The following GSG1L variants were observed in gnomAD, a reference collection of about 807,000 sequenced individuals.
GSG1L encodes the protein GSG1 like, also known as germ cell-specific gene 1-like protein.
In GSG1L, 24 loss-of-function variants were observed where a neutral mutation model predicts 42.1. The ratio of observed to expected loss-of-function variants is 0.57; its 90% CI spans 0.41 to 0.80. GSG1L has a LOEUF of 0.80. Ranked by LOEUF, GSG1L falls within the 30% of genes least tolerant of loss-of-function variation. The pLI is 0.00. For synonymous variants in GSG1L, 215 were observed against 203.5 expected (o/e 1.06, Z -0.48); for missense variants, 445 against 472.2 (o/e 0.94, Z 0.53).
At chr16:27,840,958 A>C (rs1250032293) in intron 4 of GSG1L, among the ~76,000 whole-genome samples, 1 of 152,228 alleles carries the variant, frequency 6.6e-6, no homozygotes, top group Non-Finnish European at 1.5e-5. Context: ...GCTTCGAGGA[A>C]GAACCCAGCA....
intron 2 of GSG1L, among the ~76,000 whole-genome samples, chr16:27,921,804 T>C (rs1464178415): frequency 1.3e-5 from 2 of 152,222 alleles, no homozygotes; most frequent in Non-Finnish European, 2.9e-5. Context: ...CCTTCTCAAG[T>C]TGAGGACCCT....
At chr16:27,819,837 TTC>T (rs1256342159) in intron 5 of GSG1L, among the ~76,000 whole-genome samples, 1 of 152,154 alleles carries the variant, frequency 6.6e-6, no homozygotes, top group African/African-American at 2.4e-5. Flanking sequence ...GCATTGCAGC[TTC>T]TGGGGTGAGA....
chr16:27,793,146 G>T (rs533528052), intron 6 of GSG1L, among the ~76,000 whole-genome samples: 15 of 152,302 alleles, frequency 9.8e-5, no homozygotes, highest in African/African-American at 2.6e-4. Context: ...CTCTAAGGAT[G>T]GAGATCTCCT....
chr16:27,967,153 C>T (rs1045183367), intron 1 of GSG1L, among the ~76,000 whole-genome samples: 3 of 152,184 alleles, frequency 2.0e-5, no homozygotes, highest in Non-Finnish European at 2.9e-5. Context: ...GATCTAGAAG[C>T]TTTCGGCATT....
chr16:27,854,385 T>G, intron 3 of GSG1L, among the ~76,000 whole-genome samples: 1 of 145,584 alleles, frequency 6.9e-6, no homozygotes, highest in African/African-American at 2.5e-5. Flanking sequence ...GAGAGGGGGA[T>G]GGTTGGCCCC....
At chr16:27,865,397 G>A (rs1314836047) in intron 3 of GSG1L, among the ~76,000 whole-genome samples, 1 of 151,504 alleles carries the variant, frequency 6.6e-6, no homozygotes, top group Non-Finnish European at 1.5e-5. Flanking sequence ...CCGGCTGGGA[G>A]CCCTACAGGT....
At chr16:28,047,707 T>C (rs776681230) in intron 1 of GSG1L, among the ~76,000 whole-genome samples, 13 of 152,050 alleles carry the variant, frequency 8.5e-5, no homozygotes, top group Non-Finnish European at 1.8e-4. Flanking sequence ...TGGGGGAAAA[T>C]AGCCATTTTA....
At chr16:27,818,960 G>C (rs971223130) in intron 5 of GSG1L, among the ~76,000 whole-genome samples, 7 of 152,088 alleles carry the variant, frequency 4.6e-5, no homozygotes, top group Non-Finnish European at 8.8e-5. Context: ...GTTTTAAAAA[G>C]AGACCTCGGC....
At chr16:27,820,615 T>C (rs1486494614) in intron 5 of GSG1L, among the ~76,000 whole-genome samples, 3 of 152,104 alleles carry the variant, frequency 2.0e-5, no homozygotes, top group Non-Finnish European at 4.4e-5. Flanking sequence ...AGGAGCCAGG[T>C]TGAGGTCACC....
At chr16:27,843,424 C>A (rs2083409619) in intron 4 of GSG1L, among the ~76,000 whole-genome samples, 1 of 150,498 alleles carries the variant, frequency 6.6e-6, no homozygotes, top group Non-Finnish European at 1.5e-5. Context: ...GGGAAAGAAA[C>A]CCTATCTCTC....
At chr16:27,895,312 C>T (rs2084177958) in intron 2 of GSG1L, among the ~76,000 whole-genome samples, 1 of 152,258 alleles carries the variant, frequency 6.6e-6, no homozygotes, top group East Asian at 1.9e-4. Flanking sequence ...CTGGGGCTGC[C>T]CTCCTCAGAC....
chr16:27,844,530 C>A (rs1596550555), intron 4 of GSG1L, among the ~76,000 whole-genome samples: 2 of 152,170 alleles, frequency 1.3e-5, no homozygotes, highest in Admixed American at 6.5e-5. Context: ...CTGTCACCAC[C>A]GCCCAGTGCT....
At chr16:27,995,535 C>G (rs1209689991) in intron 1 of GSG1L, among the ~76,000 whole-genome samples, 1 of 152,154 alleles carries the variant, frequency 6.6e-6, no homozygotes, top group Non-Finnish European at 1.5e-5. Flanking sequence ...TAGAAGAAAC[C>G]TAATATCAGA....
At chr16:28,039,891 GTATT>G (rs558488361) in intron 1 of GSG1L, among the ~76,000 whole-genome samples, 171 of 152,122 alleles carry the variant, frequency 1.1e-3, no homozygotes, top group Non-Finnish European at 9.1e-4. Flanking sequence ...GTCAACATGA[GTATT>G]TATACCTTCA....
chr16:27,947,540 GGAAAGAAAGAAA>G lies in GSG1L; in HGVS notation c.397+15604_397+15615del, dbSNP rs773407925. Among the ~76,000 whole-genome samples, 910 of 97,128 alleles carry G rather than the reference GGAAAGAAAGAAA, an allele frequency of 9.4e-3. 6 individuals carry two copies. The highest frequency in any genetic ancestry group is 0.017 in the African/African-American group (322 of 19,050). 63.7% of individuals were successfully genotyped at this position (97,128 alleles called of 152,430 possible). A position where few individuals can be genotyped will look rare whatever the true frequency, so the allele number is the denominator to read the frequency against. On this transcript the variant is annotated intron_variant, in intron 2 of 6. Coordinates refer to ENST00000447459, the MANE Select transcript of GSG1L (RefSeq NM_001109763.2). ...GAAAGAAAAAGAAAGAAAGAATGAA[GGAAAGAAAGAAA>G]GAAAGAAAGAAAGAAAGAAAGAAAG...
At chr16:27,831,417 C>T (rs910785588) in intron 4 of GSG1L, among the ~76,000 whole-genome samples, 1 of 152,138 alleles carries the variant, frequency 6.6e-6, no homozygotes, top group Non-Finnish European at 1.5e-5. Context: ...TGTTTACTTG[C>T]TATAAATTCT....
At chr16:28,018,552 C>T (rs2085805343) in intron 1 of GSG1L, among the ~76,000 whole-genome samples, 1 of 152,208 alleles carries the variant, frequency 6.6e-6, no homozygotes. Flanking sequence ...AACTGGGTCA[C>T]TAAACCACTG....
chr16:28,055,391 G>C (rs930718515), intron 1 of GSG1L, among the ~76,000 whole-genome samples: 1 of 152,016 alleles, frequency 6.6e-6, no homozygotes, highest in African/African-American at 2.4e-5. Context: ...TTCCCCAAGG[G>C]ATCCCAAAGT....
intron 2 of GSG1L, among the ~76,000 whole-genome samples, chr16:27,938,167 G>T (rs1423122666): frequency 1.3e-5 from 2 of 152,072 alleles, no homozygotes; most frequent in Admixed American, 6.6e-5. Flanking sequence ...ATTAATAAGG[G>T]AGTGTAGCTG....
Sources: allele counts gnomAD v4.1 joint callset (sites outside exome capture counted in the v4.1 genomes callset), GRCh38; gene constraint gnomAD v4.1.1; transcripts MANE v1.5; gene names NCBI Gene and HGNC (gene_info 2026-07-23, HGNC 2026-07-21).